The following SSU72L3 variants were observed in gnomAD, a reference collection of about 807,000 sequenced individuals.
The protein encoded by SSU72L3 is RNA polymerase II subunit A C-terminal domain phosphatase SSU72 like protein 3.
chr11:4,330,374 C>A, the SSU72L3 span: 1 of 760,728 alleles, frequency 1.3e-6, no homozygotes, highest in Non-Finnish European at 2.4e-6. Context: ...ACATAGAAGA[C>A]AATCTGGAGG....
the SSU72L3 span, chr11:4,329,837 G>T: frequency 9.1e-6 from 6 of 662,960 alleles, no homozygotes; most frequent in African/African-American, 1.1e-4. Flanking sequence ...AGGTGCCTGT[G>T]TCTCTCTGGT....
chr11:4,330,493 C>T, the SSU72L3 span: 1 of 604,182 alleles, frequency 1.7e-6, no homozygotes, highest in Admixed American at 3.0e-5. Flanking sequence ...AGAACTTAGG[C>T]ATGGGACTTT....
At chr11:4,330,284 C>T in the SSU72L3 span, 3 of 747,504 alleles carry the variant, frequency 4.0e-6, no homozygotes, top group Admixed American at 1.8e-5. Context: ...TCAACATGGA[C>T]ATCCAAGATA....
At chr11:4,330,144 G>A in the SSU72L3 span, 37 of 749,548 alleles carry the variant, frequency 4.9e-5, no homozygotes, top group Middle Eastern at 2.4e-4. Flanking sequence ...AATCAAGCCC[G>A]GTCCAGAAAG....
At chr11:4,329,997 C>G in the SSU72L3 span, 2 of 768,884 alleles carry the variant, frequency 2.6e-6, no homozygotes, top group Admixed American at 3.5e-5. Flanking sequence ...TGTGAGGCTA[C>G]CAGGACCAAG....
At chr11:4,329,816 T>A in the SSU72L3 span, 1 of 628,968 alleles carries the variant, frequency 1.6e-6, no homozygotes, top group South Asian at 2.0e-5. Flanking sequence ...TCCGAGTCCC[T>A]GCAGCAACTG....
chr11:4,330,758 A>T, the SSU72L3 span, among the ~76,000 whole-genome samples: 1 of 152,188 alleles, frequency 6.6e-6, no homozygotes, highest in Non-Finnish European at 1.5e-5. Context: ...CAGATAAGCA[A>T]ACCGAGCTGA....
the SSU72L3 span, among the ~76,000 whole-genome samples, chr11:4,330,704 T>G: frequency 6.6e-6 from 1 of 152,188 alleles, no homozygotes; most frequent in Non-Finnish European, 1.5e-5. Flanking sequence ...ATTTCATGCT[T>G]ATATCATTCT....
At chr11:4,330,344 G>C in the SSU72L3 span, 6 of 760,884 alleles carry the variant, frequency 7.9e-6, no homozygotes, top group East Asian at 1.2e-4. Flanking sequence ...AGATTTGCCA[G>C]TGCCTGCAGC....
the SSU72L3 span, among the ~76,000 whole-genome samples, chr11:4,330,793 T>A: frequency 1.3e-5 from 2 of 152,168 alleles, 1 homozygote. Flanking sequence ...AAAAATGATT[T>A]GTTTAAGGGT....
chr11:4,329,934 A>G, the SSU72L3 span: 1 of 733,826 alleles, frequency 1.4e-6, no homozygotes, highest in African/African-American at 1.8e-5. Flanking sequence ...GGAGGCCCAC[A>G]GCATCCTCAG....
the SSU72L3 span, among the ~76,000 whole-genome samples, chr11:4,330,702 C>T: frequency 1.3e-5 from 2 of 152,148 alleles, no homozygotes; most frequent in African/African-American, 4.8e-5. Flanking sequence ...TAATTTCATG[C>T]TTATATCATT....
the SSU72L3 span, chr11:4,330,111 C>T: frequency 1.3e-5 from 10 of 755,642 alleles, no homozygotes; most frequent in African/African-American, 1.4e-4. Context: ...CGGAATCTTA[C>T]ACATCTTGGG....
At chr11:4,329,802 C>T in the SSU72L3 span, 79,865 of 605,148 alleles carry the variant, frequency 0.13, 6,561 homozygotes, top group South Asian at 0.2. Context: ...GTCGTCTCCT[C>T]GGCTCCGAGT....
chr11:4,329,837 G>A, the SSU72L3 span: 7 of 662,960 alleles, frequency 1.1e-5, no homozygotes, highest in Middle Eastern at 4.2e-4. Flanking sequence ...AGGTGCCTGT[G>A]TCTCTCTGGT....
chr11:4,330,719 G>A, the SSU72L3 span, among the ~76,000 whole-genome samples: 1 of 152,168 alleles, frequency 6.6e-6, no homozygotes, highest in Non-Finnish European at 1.5e-5. Flanking sequence ...CATTCTACAA[G>A]GAAGCTAGCC....
chr11:4,330,045 T>C, the SSU72L3 span: 14 of 777,112 alleles, frequency 1.8e-5, no homozygotes, highest in Middle Eastern at 2.3e-4. Context: ...TGCAACAACA[T>C]ATAAGCAGAT....
chr11:4,330,572 C>A, the SSU72L3 span: 1 of 563,080 alleles, frequency 1.8e-6, no homozygotes, highest in Non-Finnish European at 3.1e-6. Flanking sequence ...GACTTTTGTA[C>A]ACATCACCTG....
chr11:4,329,974 G>A, the SSU72L3 span: 2 of 753,284 alleles, frequency 2.7e-6, no homozygotes, highest in African/African-American at 3.5e-5. Context: ...CGGTCTTTTG[G>A]AACTGAATCT....
Sources: allele counts gnomAD v4.1 joint callset (sites outside exome capture counted in the v4.1 genomes callset), GRCh38; gene constraint gnomAD v4.1.1; transcripts MANE v1.5; gene names NCBI Gene and HGNC (gene_info 2026-07-23, HGNC 2026-07-21).